Variants in PRDM1 observed in about 807,000 individuals in gnomAD.
PRDM1 encodes the protein PR/SET domain 1, also known as PR domain zinc finger protein 1.
A neutral mutation model predicts 62.8 loss-of-function variants in PRDM1; 13 were observed. The observed-to-expected ratio is 0.21, with a 90% confidence interval of 0.13 to 0.33. The LOEUF is 0.33. Ranked by LOEUF, PRDM1 falls within the 10% of genes least tolerant of loss-of-function variation. The pLI is 1.00. For synonymous variants in PRDM1, 396 were observed against 417.6 expected (o/e 0.95, Z 0.63); for missense variants, 895 against 1,058.8 (o/e 0.85, Z 2.15).
At chr6:106,062,647 A>G (rs1773361495) in intron 1 of PRDM1, among the ~76,000 whole-genome samples, 1 of 152,210 alleles carries the variant, frequency 6.6e-6, no homozygotes, top group Non-Finnish European at 1.5e-5. Context: ...AATAGCTTTC[A>G]AAGCGTTTTC....
chr6:106,099,189 G>A, intron 3 of PRDM1, 111 bp from the exon 4 acceptor site: 2 of 1,600,806 alleles, frequency 1.2e-6, no homozygotes, highest in Non-Finnish European at 1.7e-6. Flanking sequence ...TTTCTAACTA[G>A]GCAGTAGGGG....
intron 2 of PRDM1, among the ~76,000 whole-genome samples, chr6:106,091,847 TAAAATA>T (rs1219226343): frequency 6.6e-6 from 1 of 152,022 alleles, no homozygotes; most frequent in Non-Finnish European, 1.5e-5. Flanking sequence ...TCTAAATAAA[TAAAATA>T]AAATAAAAAT....
chr6:106,003,899 C>G (rs1384245217), intron 1 of PRDM1, among the ~76,000 whole-genome samples: 1 of 152,176 alleles, frequency 6.6e-6, no homozygotes, highest in Non-Finnish European at 1.5e-5. Context: ...TTGCAGTTTG[C>G]TTCCTTCTCC....
At chr6:106,009,787 A>T (rs1324585480) in intron 1 of PRDM1, among the ~76,000 whole-genome samples, 1 of 152,048 alleles carries the variant, frequency 6.6e-6, no homozygotes, top group Non-Finnish European at 1.5e-5. Flanking sequence ...GCATGATCTC[A>T]GCTCACTGCA....
At chr6:106,039,760 G>A (rs1772968188) in intron 1 of PRDM1, among the ~76,000 whole-genome samples, 1 of 152,188 alleles carries the variant, frequency 6.6e-6, no homozygotes, top group Non-Finnish European at 1.5e-5. Context: ...TGAAACAGTA[G>A]TACTAAATGG....
At chr6:106,100,337 A>C (rs1046259731) in intron 4 of PRDM1, 10 of 152,268 alleles carry the variant, frequency 6.6e-5, no homozygotes, top group African/African-American at 2.4e-4. Flanking sequence ...ACTAAATCTT[A>C]TTAGCAGTTT....
intron 1 of PRDM1, among the ~76,000 whole-genome samples, chr6:106,073,778 A>G (rs9386510): frequency 0.25 from 37,923 of 152,126 alleles, 5,204 homozygotes; most frequent in African/African-American, 0.35. Flanking sequence ...TATTGACACA[A>G]ATGCAGGTCC....
At chr6:106,079,827 C>T (rs915769009) in intron 1 of PRDM1, among the ~76,000 whole-genome samples, 5 of 152,130 alleles carry the variant, frequency 3.3e-5, no homozygotes, top group African/African-American at 1.2e-4. Context: ...AAAAACCCAA[C>T]ACGTGATTCA....
At chr6:106,055,265 T>C (rs1225346424) in intron 1 of PRDM1, among the ~76,000 whole-genome samples, 3 of 152,208 alleles carry the variant, frequency 2.0e-5, no homozygotes, top group Non-Finnish European at 4.4e-5. Flanking sequence ...AAAAGTAGAG[T>C]TGGCTTTTAC....
chr6:106,054,809 A>G (rs999143510), intron 1 of PRDM1, among the ~76,000 whole-genome samples: 10 of 152,212 alleles, frequency 6.6e-5, no homozygotes, highest in East Asian at 5.8e-4. Context: ...AAATTTTTCT[A>G]TGCCATAAAA....
chr6:106,066,973 A>T (rs1019666383), intron 1 of PRDM1, among the ~76,000 whole-genome samples: 1 of 152,206 alleles, frequency 6.6e-6, no homozygotes, highest in African/African-American at 2.4e-5. Context: ...TTTAGTCTTC[A>T]CAATCTCCCA....
Position 106,107,555 on chromosome 6 carries a change from G to A in PRDM1, c.*69G>A. 7.3e-7 allele frequency: 1 copy of A among 1,375,752 alleles called. No homozygotes were observed. Among genetic ancestry groups the A allele is most frequent in the Non-Finnish European group, 9.9e-7 (1 of 1,013,164 alleles). 85.2% of individuals were successfully genotyped at this position (1,375,752 alleles called of 1,614,324 possible). On this transcript the variant is annotated 3_prime_UTR_variant, in exon 7 of 7. Transcript: ENST00000369096. ...GTGAGTCAGGGTGCCTGTAGGAAGTGGCTTGTACATAATCCCAGCTCTGCA... is the reference window on the plus strand; with the variant it reads ...GTGAGTCAGGGTGCCTGTAGGAAGTAGCTTGTACATAATCCCAGCTCTGCA...
At chr6:106,071,977 T>C (rs894197813) in intron 1 of PRDM1, 2 of 152,218 alleles carry the variant, frequency 1.3e-5, no homozygotes, top group East Asian at 3.8e-4. Context: ...TGATTTGAGA[T>C]GCAACTTGGA....
intron 1 of PRDM1, among the ~76,000 whole-genome samples, chr6:106,020,411 C>T (rs375342129): frequency 1.3e-5 from 2 of 151,808 alleles, no homozygotes; most frequent in African/African-American, 2.4e-5. Flanking sequence ...GTGATCCTCC[C>T]GCCTCGGCCT....
chr6:106,033,459 G>A (rs1582432896), intron 1 of PRDM1, among the ~76,000 whole-genome samples: 1 of 151,734 alleles, frequency 6.6e-6, no homozygotes, highest in East Asian at 1.9e-4. Flanking sequence ...TGGAGATTAT[G>A]TATAATATTT....
intron 1 of PRDM1, among the ~76,000 whole-genome samples, chr6:106,081,066 C>G (rs1367295134): frequency 1.3e-5 from 2 of 152,168 alleles, no homozygotes; most frequent in Non-Finnish European, 2.9e-5. Flanking sequence ...GAGAGTTGTT[C>G]AAAAGATAAG....
intron 1 of PRDM1, among the ~76,000 whole-genome samples, chr6:106,027,727 GT>G (rs1772785373): frequency 6.6e-6 from 1 of 152,206 alleles, no homozygotes; most frequent in Non-Finnish European, 1.5e-5. Flanking sequence ...ATTCTAAGCA[GT>G]TTTGATTTCA....
intron 1 of PRDM1, among the ~76,000 whole-genome samples, chr6:106,053,507 TATTATGTATTCTA>T (rs1562154116): frequency 6.6e-6 from 1 of 152,194 alleles, no homozygotes; most frequent in African/African-American, 2.4e-5. Context: ...CTATTGTATC[TATTATGTATTCTA>T]ATAGAATACA....
chr6:106,084,215 C>G (rs1159061882), upstream of PRDM1, among the ~76,000 whole-genome samples: 1 of 151,992 alleles, frequency 6.6e-6, no homozygotes, highest in East Asian at 1.9e-4. Context: ...CATTCCAACA[C>G]TCTGTGTCTG....
Sources: allele counts gnomAD v4.1 joint callset (sites outside exome capture counted in the v4.1 genomes callset), GRCh38; gene constraint gnomAD v4.1.1; transcripts MANE v1.5; gene names NCBI Gene and HGNC (gene_info 2026-07-23, HGNC 2026-07-21).